Variants in LPP observed in about 807,000 individuals in gnomAD.
The protein encoded by LPP is LIM domain containing preferred translocation partner in lipoma, also known as lipoma-preferred partner.
In LPP, 38 loss-of-function variants were observed where a neutral mutation model predicts 60.4. That is an observed-to-expected ratio of 0.63 (90% CI 0.49 to 0.83). The LOEUF is 0.83. Ranked by LOEUF, LPP falls within the 40% of genes least tolerant of loss-of-function variation. The pLI is 0.00. For synonymous variants in LPP, 328 were observed against 290.8 expected, an observed-to-expected ratio of 1.13 and a Z score of -1.30; for missense variants, 902 against 783.6, an observed-to-expected ratio of 1.15 and a Z score of -1.80.
chr3:188,616,661 A>C (rs748847058), intron 7 of LPP, among the ~76,000 whole-genome samples: 1 of 151,918 alleles, frequency 6.6e-6, no homozygotes, highest in African/African-American at 2.4e-5. Flanking sequence ...TATGATTTGG[A>C]GATTACCTTG....
At chr3:188,185,082 T>C (rs1277108689) in intron 1 of LPP, among the ~76,000 whole-genome samples, 2 of 152,166 alleles carry the variant, frequency 1.3e-5, no homozygotes, top group Admixed American at 1.3e-4. Context: ...ATATCTTCTA[T>C]CTCTGTTTGC....
intron 4 of LPP, among the ~76,000 whole-genome samples, chr3:188,437,582 T>G (rs1354460347): frequency 6.6e-6 from 1 of 152,222 alleles, no homozygotes; most frequent in African/African-American, 2.4e-5. Context: ...CAATATATGT[T>G]TATAGTTTTC....
intron 10 of LPP, among the ~76,000 whole-genome samples, chr3:188,868,616 CT>C (rs1460654746): frequency 6.6e-6 from 1 of 152,170 alleles, no homozygotes; most frequent in African/African-American, 2.4e-5. Flanking sequence ...TTTTATGGAA[CT>C]CTTATTTATA....
chr3:188,244,449 T>A (rs558731472), intron 2 of LPP, among the ~76,000 whole-genome samples: 2 of 152,302 alleles, frequency 1.3e-5, no homozygotes, highest in African/African-American at 4.8e-5. Context: ...CTTCTGCTAC[T>A]AACCCCATGA....
rs539364614 is a variant in LPP, at chr3:188,847,112, A to C, written c.1411-19088A>C. On this transcript the variant is annotated intron_variant, in intron 9 of 11. Coordinates refer to ENST00000617246, the MANE Select transcript of LPP (RefSeq NM_001375462.1). ...GAGCTTCTATTAAGAAGTAGAGTGC[A>C]CAATATCTGCCTAGCAAGAAACAGC... 7.9e-5 allele frequency among the ~76,000 whole-genome samples: 12 copies of C among 152,358 alleles called. No homozygotes were observed. In the East Asian group the frequency reaches 2.3e-3, roughly 29 times the overall value.
At chr3:188,465,023 C>T in intron 4 of LPP, among the ~76,000 whole-genome samples, 1 of 142,888 alleles carries the variant, frequency 7.0e-6, no homozygotes, top group Non-Finnish European at 1.5e-5. Context: ...CATACACACA[C>T]AAAACAAAGT....
intron 7 of LPP, among the ~76,000 whole-genome samples, chr3:188,679,609 A>T (rs1413964419): frequency 6.6e-6 from 1 of 151,450 alleles, no homozygotes; most frequent in Non-Finnish European, 1.5e-5. Context: ...GACCACTATG[A>T]GGAACTGGTA....
At chr3:188,434,920 C>T (rs149721405) in intron 4 of LPP, among the ~76,000 whole-genome samples, 3 of 152,248 alleles carry the variant, frequency 2.0e-5, no homozygotes, top group African/African-American at 7.2e-5. Flanking sequence ...TGATAGACTT[C>T]CTACTTTCTT....
At chr3:188,412,593 G>A (rs1334915169) in intron 4 of LPP, among the ~76,000 whole-genome samples, 1 of 152,136 alleles carries the variant, frequency 6.6e-6, no homozygotes, top group Non-Finnish European at 1.5e-5. Flanking sequence ...CTCACACCTA[G>A]GGCTCTTACG....
chr3:188,821,823 AT>A (rs1205338734), intron 9 of LPP, among the ~76,000 whole-genome samples: 1 of 151,770 alleles, frequency 6.6e-6, no homozygotes, highest in African/African-American at 2.4e-5. Flanking sequence ...TAGTTAGACC[AT>A]TTTTTTTACT....
intron 9 of LPP, among the ~76,000 whole-genome samples, chr3:188,781,749 G>T (rs956312459): frequency 6.6e-6 from 1 of 151,606 alleles, no homozygotes; most frequent in Non-Finnish European, 1.5e-5. Context: ...AAAATTAGCC[G>T]GACATGGTGG....
At chr3:188,754,258 A>G (rs568553021) in intron 8 of LPP, among the ~76,000 whole-genome samples, 1 of 152,292 alleles carries the variant, frequency 6.6e-6, no homozygotes, top group East Asian at 1.9e-4. Flanking sequence ...CTACCAAAAT[A>G]TTTTATGAGA....
intron 2 of LPP, among the ~76,000 whole-genome samples, chr3:188,294,034 G>A (rs1746962316): frequency 7.4e-6 from 1 of 135,288 alleles, no homozygotes; most frequent in Non-Finnish European, 1.6e-5. Context: ...CCTCCAGCCT[G>A]GGTGACAGAG....
intron 1 of LPP, among the ~76,000 whole-genome samples, chr3:188,156,668 T>C (rs996204749): frequency 4.6e-5 from 7 of 152,130 alleles, no homozygotes; most frequent in African/African-American, 1.7e-4. Context: ...ACCCCGTCTC[T>C]ACTAAAAATA....
rs116606865 is a variant in LPP at position 188,738,070 on chromosome 3, G to A, written c.1241-22043G>A. 5.5e-3 allele frequency among the ~76,000 whole-genome samples: 838 copies of A among 151,856 alleles called. 7 individuals carry two copies. The highest frequency in any genetic ancestry group is 0.02 in the African/African-American group (810 of 41,386). On this transcript the variant is annotated intron_variant, in intron 8 of 11. Coordinates refer to ENST00000617246, the MANE Select transcript of LPP (RefSeq NM_001375462.1). ...CCCTCTACATTTTTTTCTGTTACTT[G>A]TTATTTTTGGTACTGATGTGCTTTT...
At chr3:188,588,770 T>C (rs1838043659) in intron 6 of LPP, among the ~76,000 whole-genome samples, 1 of 152,198 alleles carries the variant, frequency 6.6e-6, no homozygotes, top group Admixed American at 6.5e-5. Flanking sequence ...CATTGTTTGC[T>C]GGAAACAGGA....
chr3:188,244,162 C>A (rs1035757416), intron 2 of LPP, among the ~76,000 whole-genome samples: 1 of 152,206 alleles, frequency 6.6e-6, no homozygotes, highest in African/African-American at 2.4e-5. Context: ...TGAGCCACTG[C>A]GCCCAGCGCA....
At chr3:188,235,307 A>G (rs1721498325) in intron 2 of LPP, among the ~76,000 whole-genome samples, 2 of 152,152 alleles carry the variant, frequency 1.3e-5, no homozygotes, top group African/African-American at 2.4e-5. Context: ...CTCAATGTTT[A>G]TGGAAAATGC....
intron 9 of LPP, among the ~76,000 whole-genome samples, chr3:188,765,422 A>C (rs1733712097): frequency 6.6e-6 from 1 of 152,016 alleles, no homozygotes; most frequent in Non-Finnish European, 1.5e-5. Flanking sequence ...AAAATTTGTC[A>C]AGCACTCTCT....
Sources: allele counts gnomAD v4.1 joint callset (sites outside exome capture counted in the v4.1 genomes callset), GRCh38; gene constraint gnomAD v4.1.1; transcripts MANE v1.5; gene names NCBI Gene and HGNC (gene_info 2026-07-23, HGNC 2026-07-21).